The following ZNF445 variants were observed in gnomAD, a reference collection of about 807,000 sequenced individuals.
ZNF445 encodes the protein zinc finger protein 168.
ZNF445 carries 19 observed loss-of-function variants against 93.9 expected under a neutral mutation model. The ratio of observed to expected loss-of-function variants is 0.20; its 90% CI spans 0.14 to 0.30. The LOEUF is 0.30. ZNF445 is among the 10% of genes least tolerant of loss of function. ZNF445 has a pLI of 1.00. For missense variants in ZNF445, 1,058 were observed against 1,259.4 expected (o/e 0.84, Z 2.42); for synonymous variants, 449 against 446.3 (o/e 1.01, Z -0.08).
chr3:44,458,596 G>C (rs139489126), intron 1 of ZNF445, among the ~76,000 whole-genome samples: 284 of 152,186 alleles, frequency 1.9e-3, no homozygotes, highest in African/African-American at 6.4e-3. Flanking sequence ...TGGAACTTCA[G>C]AGTGATAAAG....
At chr3:44,476,580 T>C (rs577997614) in intron 1 of ZNF445, among the ~76,000 whole-genome samples, 2 of 152,270 alleles carry the variant, frequency 1.3e-5, no homozygotes, top group South Asian at 2.1e-4. Context: ...ACCAACCTAA[T>C]ACTGAGTTTT....
chr3:44,455,852 A>C (rs1346215567), intron 2 of ZNF445, among the ~76,000 whole-genome samples, 156 bp from the exon 3 acceptor site: 1 of 152,248 alleles, frequency 6.6e-6, no homozygotes, highest in East Asian at 1.9e-4. Context: ...TATTGGAGTA[A>C]GCTAAGAAAA....
Position 44,455,328 on chromosome 3 carries a change from G to T in ZNF445, c.222C>A (p.Ser74Arg), listed in dbSNP as rs764801147. 1 of 1,613,808 alleles carries T rather than the reference G, an allele frequency of 6.2e-7. No homozygotes were observed. Among genetic ancestry groups the T allele is most frequent in the Admixed American group, 1.7e-5 (1 of 59,974 alleles). ...ACCAGCGACAGAGTTCCCGGAGCCGGCTCAGAGTTTCTAGGGGCCCTGAAG... is the reference window on the plus strand; with the variant it reads ...ACCAGCGACAGAGTTCCCGGAGCCGTCTCAGAGTTTCTAGGGGCCCTGAAG... ...HESSGPLETLSRLRELCRWWL... is the reference protein window; with the variant it reads ...HESSGPLETLRRLRELCRWWL... The change falls in exon 3 of 8, where the codon AGC becomes AGA. Residue 74 changes from serine to arginine, a missense_variant. Transcript: ENST00000396077.
chr3:44,471,653 A>C (rs1217546419), intron 1 of ZNF445, among the ~76,000 whole-genome samples: 1 of 152,216 alleles, frequency 6.6e-6, no homozygotes, highest in Non-Finnish European at 1.5e-5. Flanking sequence ...AATGACAGTA[A>C]ACTAAGATGT....
At chr3:44,450,057 C>G in intron 6 of ZNF445, 1 of 292,450 alleles carries the variant, frequency 3.4e-6, no homozygotes, top group Admixed American at 4.9e-5. Flanking sequence ...TCTCCAGCCT[C>G]GGCTTCCCAA....
At chr3:44,474,463 G>A (rs1575319793) in intron 1 of ZNF445, among the ~76,000 whole-genome samples, 1 of 152,028 alleles carries the variant, frequency 6.6e-6, no homozygotes, top group South Asian at 2.1e-4. Flanking sequence ...GCGGTGAGCC[G>A]AGATCACGCC....
intron 3 of ZNF445, among the ~76,000 whole-genome samples, chr3:44,454,483 G>C (rs1003848169): frequency 6.6e-6 from 1 of 152,172 alleles, no homozygotes; most frequent in Admixed American, 6.5e-5. Context: ...ACCCAGGCTG[G>C]AGCGCAGTGG....
intron 1 of ZNF445, among the ~76,000 whole-genome samples, chr3:44,465,010 T>C (rs1575315926): frequency 1.4e-5 from 2 of 144,250 alleles, no homozygotes; most frequent in Admixed American, 7.4e-5. Flanking sequence ...GAGGTTGCAG[T>C]GAGCCAAGAT....
intron 1 of ZNF445, among the ~76,000 whole-genome samples, chr3:44,470,959 C>G (rs934649721): frequency 6.6e-6 from 1 of 150,830 alleles, no homozygotes; most frequent in Non-Finnish European, 1.5e-5. Flanking sequence ...AGGTAGAGAA[C>G]AAGAAGAGCA....
At chr3:44,449,722 G>T in intron 6 of ZNF445, 99 bp from the exon 7 acceptor site, 1 of 930,102 alleles carries the variant, frequency 1.1e-6, no homozygotes. Flanking sequence ...AGGTGGGAAA[G>T]ACCAGGAAGG....
At chr3:44,451,189 G>A in intron 4 of ZNF445, 125 bp downstream of exon 4, 2 of 1,265,712 alleles carry the variant, frequency 1.6e-6, no homozygotes, top group Non-Finnish European at 2.2e-6. Flanking sequence ...GGATGGAGAG[G>A]ACAGAGAGCT....
chr3:44,450,004 G>A (rs760375881), intron 6 of ZNF445: 17 of 299,344 alleles, frequency 5.7e-5, no homozygotes, highest in South Asian at 2.3e-4. Context: ...GCAGTGGTGC[G>A]ATCTTGGCTC....
At chr3:44,477,496 G>A (rs868398060) in intron 1 of ZNF445, 95 bp downstream of exon 1, 55 of 152,150 alleles carry the variant, frequency 3.6e-4, no homozygotes, top group South Asian at 2.8e-3. Flanking sequence ...GGCCCCGTCC[G>A]CCGCCCGGGC....
rs1166472510 is a variant in ZNF445, at chr3:44,437,911, G to A, written c.*8664C>T. The A allele has an allele frequency of 6.6e-6, 1 of 152,542 alleles. No individual in the cohort carries two copies. Among genetic ancestry groups the A allele is most frequent in the Non-Finnish European group, 1.5e-5 (1 of 68,020 alleles). 9.4% of individuals were successfully genotyped at this position (152,542 alleles called of 1,614,324 possible). The stretch of plus-strand genomic sequence containing the variant: ...GGTCCCAATTCAATCCTAGAGGGTA[G>A]GAATGCCTAACTTTCTGAGAATGCA... On this transcript the variant is annotated 3_prime_UTR_variant, in exon 8 of 8. Transcript: ENST00000396077.
intron 2 of ZNF445, among the ~76,000 whole-genome samples, chr3:44,457,820 G>A (rs368159915): frequency 6.6e-6 from 1 of 151,386 alleles, no homozygotes; most frequent in African/African-American, 2.4e-5. Flanking sequence ...GACCAACACA[G>A]TGAAACGCCA....
intron 1 of ZNF445, among the ~76,000 whole-genome samples, chr3:44,465,023 C>T (rs1469062632): frequency 1.4e-5 from 2 of 144,288 alleles, no homozygotes; most frequent in African/African-American, 5.2e-5. Context: ...GCCAAGATCA[C>T]ACCACTGCAT....
In ZNF445 at chr3:44,451,085, A is replaced by C. The variant is rs950159172; in HGVS notation, c.599-123T>G. On this transcript the variant is annotated intron_variant, in intron 4 of 7. Transcript: ENST00000396077. The stretch of plus-strand genomic sequence containing the variant: ...AGGTACATAATGTTGTTAAATACCC[A>C]TCTCACATGTCCTCAGTCTACTGGG... The C allele has an allele frequency of 3.0e-6, 3 of 1,002,738 alleles. No individual in the cohort carries two copies. The African/African-American group carries it at 4.9e-5, about 16-fold the overall frequency. The allele number at this position is 1,002,738 out of a possible 1,614,324, so 62.1% of individuals were successfully genotyped here. A position where few individuals can be genotyped will look rare whatever the true frequency, so the allele number is the denominator to read the frequency against.
At position 44,446,785 on chromosome 3, in the gene ZNF445, G is replaced by A; in HGVS notation, c.2886C>T (p.Ser962=). The A allele has an allele frequency of 6.2e-7, 1 of 1,614,188 alleles. No individual in the cohort carries two copies. The highest frequency in any genetic ancestry group is 1.3e-5 in the African/African-American group (1 of 75,042). The stretch of plus-strand genomic sequence containing the variant: ...TGTCCTGGAGTCCAGTGAGCCTGGA[G>A]CTCTGGCTGCAAGCTTCTTTGCAGT... ...LEDCKEACSQ[S]SRLTGLQDIS... Residue 962 remains serine (S), a synonymous_variant, in exon 8 of 8, where the codon AGC becomes AGT. Transcript: ENST00000396077. The surrounding 1 kb of genome is among the most constrained non-coding windows in gnomAD (Gnocchi z 4.2).
At chr3:44,470,851 G>A (rs1698259152) in intron 1 of ZNF445, among the ~76,000 whole-genome samples, 1 of 152,142 alleles carries the variant, frequency 6.6e-6, no homozygotes, top group Non-Finnish European at 1.5e-5. Flanking sequence ...ACATTCTTGA[G>A]GGGGGACTTG....
Sources: allele counts gnomAD v4.1 joint callset (sites outside exome capture counted in the v4.1 genomes callset), GRCh38; gene constraint gnomAD v4.1.1; non-coding constraint Gnocchi (gnomAD v3.1); transcripts MANE v1.5; gene names NCBI Gene and HGNC (gene_info 2026-07-23, HGNC 2026-07-21).